Variants in ANKRD30B observed in about 807,000 individuals in gnomAD.
The protein encoded by ANKRD30B is ankyrin repeat domain 30B, also known as ankyrin repeat domain-containing protein 30B.
Under a neutral mutation model 202.2 loss-of-function variants are expected in ANKRD30B, and 144 were observed. That is an observed-to-expected ratio of 0.71 (90% confidence interval 0.62 to 0.82). The LOEUF (loss-of-function observed/expected upper bound fraction) is 0.82, where lower values mean the gene tolerates loss of function less well. Ranked by LOEUF, ANKRD30B falls within the 40% of genes least tolerant of loss-of-function variation. The probability of loss-of-function intolerance (pLI) is 0.00; values close to 1 mark genes in which losing one functional copy is unlikely to be tolerated. For synonymous variants in ANKRD30B, 508 were observed against 561.3 expected (o/e 0.91, Z 1.34); for missense variants, 1,487 against 1,669.1 (o/e 0.89, Z 1.90).
intron 20 of ANKRD30B, 120 bp downstream of exon 20, chr18:14,797,974 A>G: frequency 1.0e-6 from 1 of 972,426 alleles, no homozygotes; most frequent in Non-Finnish European, 1.5e-6. Flanking sequence ...AATTTGATAC[A>G]AATAATGCCA....
chr18:14,927,858 C>A, the ANKRD30B span, among the ~76,000 whole-genome samples: 1 of 152,186 alleles, frequency 6.6e-6, no homozygotes, highest in Admixed American at 6.5e-5. Context: ...CCAACAGAAG[C>A]ATTTGTTCTG....
chr18:14,910,116 G>A, the ANKRD30B span: 79,979 of 151,950 alleles, frequency 0.53, 21,355 homozygotes, highest in African/African-American at 0.6. Flanking sequence ...AATATATTTA[G>A]GGAGTCTAAG....
At chr18:14,786,577 T>C (rs914340603) in intron 14 of ANKRD30B, among the ~76,000 whole-genome samples, 18 of 152,226 alleles carry the variant, frequency 1.2e-4, no homozygotes, top group Non-Finnish European at 2.6e-4. Flanking sequence ...ATCAAAAAGT[T>C]AATATTCCTA....
chr18:14,849,993 A>C (rs556767420), intron 40 of ANKRD30B, among the ~76,000 whole-genome samples: 5 of 151,770 alleles, frequency 3.3e-5, no homozygotes, highest in Admixed American at 6.6e-5. Context: ...AGTAACAGAA[A>C]CTTTCTAACT....
chr18:14,897,512 T>A, the ANKRD30B span, among the ~76,000 whole-genome samples: 3 of 152,174 alleles, frequency 2.0e-5, no homozygotes. Context: ...ATTGTGTACA[T>A]TCTTGGGAAT....
chr18:14,761,708 G>C (rs897953185), intron 6 of ANKRD30B, among the ~76,000 whole-genome samples: 37 of 151,630 alleles, frequency 2.4e-4, no homozygotes, highest in African/African-American at 9.0e-4. Flanking sequence ...GAAGAAACAT[G>C]GTTTTATTTA....
intron 15 of ANKRD30B, among the ~76,000 whole-genome samples, chr18:14,789,844 T>C (rs534709957): frequency 6.6e-6 from 1 of 152,190 alleles, no homozygotes; most frequent in East Asian, 1.9e-4. Flanking sequence ...AGCTTTGTTC[T>C]TTTGGCTTAG....
At chr18:14,871,207 C>A in the ANKRD30B span, among the ~76,000 whole-genome samples, 1 of 102,476 alleles carries the variant, frequency 9.8e-6, no homozygotes, top group Admixed American at 1.1e-4. Flanking sequence ...CTGCCTGGTC[C>A]TGCTGCACCC....
the ANKRD30B span, among the ~76,000 whole-genome samples, chr18:14,896,840 G>A: frequency 1.4e-5 from 2 of 147,026 alleles, no homozygotes; most frequent in South Asian, 4.4e-4. Context: ...TTAGAAACTT[G>A]ATCTGATTAC....
chr18:14,865,042 G>A, the ANKRD30B span, among the ~76,000 whole-genome samples: 3 of 149,114 alleles, frequency 2.0e-5, no homozygotes, highest in Admixed American at 6.7e-5. Context: ...TTTCCCCATC[G>A]CCTTTTTCCC....
At chr18:14,850,466 G>A in intron 41 of ANKRD30B, 84 bp downstream of exon 41, 1 of 1,296,788 alleles carries the variant, frequency 7.7e-7, no homozygotes. Flanking sequence ...TTTAGTATGT[G>A]TTATTCAGGT....
chr18:14,822,793 G>A, intron 32 of ANKRD30B, 116 bp downstream of exon 32: 2 of 1,349,168 alleles, frequency 1.5e-6, no homozygotes, highest in Non-Finnish European at 2.0e-6. Flanking sequence ...GGGAAAATTT[G>A]ACACAAATAA....
At chr18:14,849,436 T>C (rs1367962569) in intron 40 of ANKRD30B, among the ~76,000 whole-genome samples, 4 of 151,826 alleles carry the variant, frequency 2.6e-5, no homozygotes, top group African/African-American at 7.2e-5. Context: ...CAAGAATCAA[T>C]TTCCTTTAAC....
Position 14,763,853 on chromosome 18 carries a change from C to T in ANKRD30B, c.988C>T (p.Gln330Ter). ...LGKATSGKFE[Q>*]STEETPRKIL... ...GAAAGCAACATCTGGAAAGTTTGAACAGTCAACAGAAGAAACACCTAGGAA... is the reference window on the plus strand; with the variant it reads ...GAAAGCAACATCTGGAAAGTTTGAATAGTCAACAGAAGAAACACCTAGGAA... The change falls in exon 7 of 44, where the codon CAG becomes TAG. Residue 330 changes from glutamine to a stop codon, truncating the protein, a stop_gained. Coordinates refer to ENST00000690538, the MANE Select transcript of ANKRD30B (RefSeq NM_001367607.2). LOFTEE classifies it high-confidence loss of function. The T allele has an allele frequency of 1.2e-6, 2 of 1,613,074 alleles. No individual in the cohort carries two copies. The highest frequency in any genetic ancestry group is 2.7e-5 in the African/African-American group (2 of 74,998).
the ANKRD30B span, among the ~76,000 whole-genome samples, chr18:14,896,940 G>A: frequency 1.3e-5 from 2 of 148,678 alleles, no homozygotes; most frequent in Non-Finnish European, 3.0e-5. Context: ...TAAAATGAGT[G>A]CTACCTAGCA....
At chr18:14,784,762 G>T (rs781000271) in intron 14 of ANKRD30B, among the ~76,000 whole-genome samples, 5 of 151,826 alleles carry the variant, frequency 3.3e-5, no homozygotes, top group Non-Finnish European at 7.4e-5. Context: ...TTCTACTTTT[G>T]TATCCCGAAA....
intron 6 of ANKRD30B, among the ~76,000 whole-genome samples, chr18:14,762,665 A>G (rs1303254147): frequency 2.0e-5 from 3 of 152,240 alleles, no homozygotes; most frequent in Admixed American, 2.0e-4. Flanking sequence ...TTATCATTAT[A>G]AATATTCAAA....
At chr18:14,786,824 T>A (rs1304381677) in intron 14 of ANKRD30B, among the ~76,000 whole-genome samples, 1 of 152,232 alleles carries the variant, frequency 6.6e-6, no homozygotes, top group Non-Finnish European at 1.5e-5. Context: ...TTTCTATTTT[T>A]CTTCATTCTA....
the ANKRD30B span, chr18:14,890,101 A>G: frequency 1.9e-6 from 2 of 1,061,972 alleles, no homozygotes; most frequent in African/African-American, 3.2e-5. Context: ...TATTCAAGGA[A>G]TCACAGAAAG....
Sources: gnomAD v4.1 joint callset for allele counts (sites outside exome capture counted in the v4.1 genomes callset) on GRCh38, gnomAD v4.1.1 for gene constraint, MANE v1.5 for transcripts, NCBI Gene and HGNC (gene_info 2026-07-23, HGNC 2026-07-21) for gene names.